The following BBX variants were observed in gnomAD, a reference collection of about 807,000 sequenced individuals.
The protein encoded by BBX is BBX high mobility group box domain containing.
Under a neutral mutation model 100.2 loss-of-function variants are expected in BBX, and 30 were observed. The ratio of observed to expected loss-of-function variants is 0.30; its 90% confidence interval spans 0.22 to 0.41. The LOEUF is 0.41. Among genes scored for constraint, BBX ranks in the 10% least tolerant of loss-of-function variants. The pLI is 1.00. For missense variants in BBX, 1,023 were observed against 1,129.8 expected (o/e 0.91, Z 1.35); for synonymous variants, 376 against 388.1 (o/e 0.97, Z 0.37).
At chr3:107,756,631 T>C (rs1181153443) in intron 10 of BBX, among the ~76,000 whole-genome samples, 1 of 152,098 alleles carries the variant, frequency 6.6e-6, no homozygotes, top group East Asian at 1.9e-4. Context: ...TTTTTAAAGA[T>C]TACCAAGTCC....
chr3:107,589,973 C>T (rs1186528089), intron 2 of BBX, among the ~76,000 whole-genome samples: 1 of 152,052 alleles, frequency 6.6e-6, no homozygotes, highest in Non-Finnish European at 1.5e-5. Context: ...ATGGTACTTT[C>T]ATTTTTTTTA....
chr3:107,663,817 T>C (rs1167765462), intron 3 of BBX, among the ~76,000 whole-genome samples: 1 of 151,622 alleles, frequency 6.6e-6, no homozygotes, highest in Non-Finnish European at 1.5e-5. Flanking sequence ...TTTCCTTTTT[T>C]TTTTTTGAGA....
Position 107,791,246 on chromosome 3 carries a change from G to A in BBX, c.2300G>A (p.Gly767Glu). 6.2e-7 allele frequency: 1 copy of A among 1,612,306 alleles called. No homozygotes were observed. The highest frequency in any genetic ancestry group is 8.5e-7 in the Non-Finnish European group (1 of 1,178,848). Residue 767 changes from glycine (G) to glutamate (E), a missense_variant, in exon 15 of 18, where the codon GGG becomes GAG. This residue lies in a region of BBX where 215 missense variants were observed against 211.3 expected (regional missense o/e 1.02). Transcript: ENST00000325805. Reference sequence around the variant, plus strand: ...TTTCTGTCATTGTTTTTAGGAAGTGGGGATAAATGGTCAAACAAGCAACTC... The same window carrying A: ...TTTCTGTCATTGTTTTTAGGAAGTGAGGATAAATGGTCAAACAAGCAACTC... ...EKPNVPEKGS[G>E]DKWSNKQLFL...
intron 10 of BBX, among the ~76,000 whole-genome samples, chr3:107,769,227 T>TAGATAGATAGATAGATAGAC (rs776680873): frequency 2.2e-5 from 2 of 89,786 alleles, no homozygotes; most frequent in Non-Finnish European, 5.0e-5. Flanking sequence ...GATAGATAGA[T>TAGATAGATAGATAGATAGAC]AGACAGATAG....
At chr3:107,619,561 A>G (rs2055580441) in intron 2 of BBX, among the ~76,000 whole-genome samples, 1 of 151,942 alleles carries the variant, frequency 6.6e-6, no homozygotes, top group South Asian at 2.1e-4. Context: ...TTTCTGATGA[A>G]TATCAGGTTT....
At chr3:107,667,297 T>C (rs1380596508) in intron 3 of BBX, among the ~76,000 whole-genome samples, 3 of 152,212 alleles carry the variant, frequency 2.0e-5, no homozygotes, top group Non-Finnish European at 4.4e-5. Context: ...ATTAATATTT[T>C]AAATTATCAG....
chr3:107,733,065 G>T, intron 7 of BBX, 42 bp downstream of exon 7: 2 of 1,552,628 alleles, frequency 1.3e-6, no homozygotes, highest in Non-Finnish European at 1.8e-6. Context: ...TCATACTGTG[G>T]GTTGGGAACA....
chr3:107,613,605 A>C (rs2055013215), intron 2 of BBX, among the ~76,000 whole-genome samples: 1 of 152,048 alleles, frequency 6.6e-6, no homozygotes, highest in African/African-American at 2.4e-5. Flanking sequence ...TGGTACTTAC[A>C]AAGTATTCAT....
intron 3 of BBX, among the ~76,000 whole-genome samples, chr3:107,690,497 A>G (rs1253325009): frequency 2.0e-5 from 3 of 152,146 alleles, no homozygotes; most frequent in African/African-American, 7.2e-5. Context: ...ATGATATTGT[A>G]TTTGAAAATT....
intron 13 of BBX, among the ~76,000 whole-genome samples, chr3:107,787,522 A>C (rs528355631): frequency 6.6e-6 from 1 of 152,338 alleles, no homozygotes; most frequent in East Asian, 1.9e-4. Flanking sequence ...AGTATTAAAA[A>C]GGTTTGGAAT....
chr3:107,709,909 G>A (rs1179712216), intron 3 of BBX, among the ~76,000 whole-genome samples: 5 of 152,316 alleles, frequency 3.3e-5, no homozygotes, highest in Non-Finnish European at 7.3e-5. Flanking sequence ...TAAAATGTTG[G>A]ATTCTTACAA....
At chr3:107,746,877 G>A (rs1304430358) in intron 8 of BBX, among the ~76,000 whole-genome samples, 2 of 152,138 alleles carry the variant, frequency 1.3e-5, no homozygotes, top group Admixed American at 6.6e-5. Flanking sequence ...TTTTGATGAA[G>A]TGGATTTACT....
chr3:107,785,132 C>A (rs2068279393), intron 13 of BBX, among the ~76,000 whole-genome samples: 1 of 148,550 alleles, frequency 6.7e-6, no homozygotes, highest in South Asian at 2.1e-4. Flanking sequence ...TTGATAGATG[C>A]ATAACTAATA....
intron 3 of BBX, among the ~76,000 whole-genome samples, chr3:107,663,945 A>G (rs1373858906): frequency 6.6e-6 from 1 of 151,734 alleles, no homozygotes; most frequent in Non-Finnish European, 1.5e-5. Context: ...AGTTGGGACT[A>G]CAGGCACCTG....
chr3:107,701,420 T>A (rs888412943), intron 3 of BBX, among the ~76,000 whole-genome samples: 1 of 152,136 alleles, frequency 6.6e-6, no homozygotes, highest in Admixed American at 6.6e-5. Flanking sequence ...TCGCCTAGAG[T>A]TGTATTAAGG....
intron 2 of BBX, among the ~76,000 whole-genome samples, chr3:107,529,810 T>C (rs952173385): frequency 2.0e-5 from 3 of 152,026 alleles, no homozygotes; most frequent in African/African-American, 4.8e-5. Flanking sequence ...CATGTATTAA[T>C]GGGGATTGTC....
chr3:107,570,991 G>A (rs2051313287), intron 2 of BBX, among the ~76,000 whole-genome samples: 1 of 152,142 alleles, frequency 6.6e-6, no homozygotes, highest in Non-Finnish European at 1.5e-5. Flanking sequence ...TTGTTTTCTG[G>A]CTATTTAGAA....
In BBX at chr3:107,806,193, A is replaced by G. The variant is rs1576910464; in HGVS notation, c.*736A>G. 6.6e-6 allele frequency: 1 copy of G among 152,296 alleles called. No individual in the cohort carries two copies. Among genetic ancestry groups the G allele is most frequent in the Middle Eastern group, 3.4e-3 (1 of 294 alleles). The allele number at this position is 152,296 out of a possible 1,614,324, so 9.4% of individuals were successfully genotyped here. ...TTTTTTTCTTAGCCTTGAGTGACCA[A>G]GAAGAATTTGCTTGAGGCAAATTGT... On this transcript the variant is annotated 3_prime_UTR_variant, in exon 18 of 18. Coordinates refer to ENST00000325805, the MANE Select transcript of BBX (RefSeq NM_001142568.3).
At position 107,807,910 on chromosome 3, in the gene BBX, C is replaced by G. The variant is rs2071140867; in HGVS notation, c.*2453C>G. The stretch of plus-strand genomic sequence containing the variant: ...TGCTTAATTTTTAAGCGGTTAGGCA[C>G]TGAGAGTAGCAGAAATCCTGCAAAG... On this transcript the variant is annotated 3_prime_UTR_variant, in exon 18 of 18. Transcript: ENST00000325805. The G allele has an allele frequency of 6.6e-6, 1 of 152,106 alleles. No individual in the cohort carries two copies. The highest frequency in any genetic ancestry group is 1.5e-5 in the Non-Finnish European group (1 of 68,004). 9.4% of individuals were successfully genotyped at this position (152,106 alleles called of 1,614,324 possible).
Sources: allele counts gnomAD v4.1 joint callset (sites outside exome capture counted in the v4.1 genomes callset), GRCh38; gene constraint gnomAD v4.1.1; regional missense constraint gnomAD v4.1.1; transcripts MANE v1.5; gene names NCBI Gene and HGNC (gene_info 2026-07-23, HGNC 2026-07-21).